MORN3: variants seen among roughly 807,000 people sequenced by gnomAD.
MORN3 encodes MORN repeat-containing protein 3.
In MORN3, 38 loss-of-function variants were observed where a neutral mutation model predicts 34.7. That is an observed-to-expected ratio of 1.10 (90% CI 0.85 to 1.44). The LOEUF (loss-of-function observed/expected upper bound fraction) is 1.44, where lower values mean the gene tolerates loss of function less well. Ranked by LOEUF, MORN3 falls within the 40% of genes most tolerant of loss-of-function variation. The probability of loss-of-function intolerance (pLI) is 0.00; values close to 1 mark genes in which losing one functional copy is unlikely to be tolerated. For synonymous variants in MORN3, 109 were observed against 115.3 expected, an observed-to-expected ratio of 0.95 and a Z score of 0.35; for missense variants, 311 against 321.7, an observed-to-expected ratio of 0.97 and a Z score of 0.25.
intron 2 of MORN3, 146 bp downstream of exon 2, chr12:121,659,045 C>G (rs1594227061): frequency 9.2e-7 from 1 of 1,083,904 alleles, no homozygotes; most frequent in Non-Finnish European, 1.2e-6. Flanking sequence ...CCTTCCTTCT[C>G]CCACGAGCAG....
At chr12:121,662,768 T>C (rs1229029806) in intron 1 of MORN3, among the ~76,000 whole-genome samples, 25 of 146,188 alleles carry the variant, frequency 1.7e-4, no homozygotes. Flanking sequence ...ACGCCGGGCA[T>C]GATGGCTCAC....
intron 1 of MORN3, among the ~76,000 whole-genome samples, chr12:121,666,703 T>A (rs369872656): frequency 1.7e-4 from 26 of 152,094 alleles, no homozygotes; most frequent in African/African-American, 6.0e-4. Flanking sequence ...ATAATTTGCT[T>A]TTATGGGGTG....
Position 121,659,303 on chromosome 12 carries a change from CCCTCATAGATGGCT to C in MORN3, c.177_190del (p.Ala60GlyfsTer17), listed in dbSNP as rs1893510819. ...GTCTCGCTTCCCAAACTTCCAGTCC[CCCTCATAGATGGCT>C]CCTTTCTTCTTCCAGACCTGTGTTC... On this transcript the variant is annotated frameshift_variant, in exon 2 of 6. Transcript: ENST00000355329. LOFTEE classifies it high-confidence loss of function. 1 of 1,614,032 alleles carries C rather than the reference CCCTCATAGATGGCT, an allele frequency of 6.2e-7. No homozygotes were observed. The highest frequency in any genetic ancestry group is 8.5e-7 in the Non-Finnish European group (1 of 1,180,018).
At chr12:121,670,606 C>T (rs940440525), upstream of MORN3, among the ~76,000 whole-genome samples, 1 of 150,782 alleles carries the variant, frequency 6.6e-6, no homozygotes, top group East Asian at 2.0e-4. Flanking sequence ...GTCAGGAGTT[C>T]GAGACCAGCC....
upstream of MORN3, among the ~76,000 whole-genome samples, chr12:121,671,436 C>T (rs1893966696): frequency 6.6e-6 from 1 of 150,790 alleles, no homozygotes; most frequent in Admixed American, 6.6e-5. Flanking sequence ...AGAATGGAGA[C>T]TTTACGTATC....
chr12:121,659,540 C>CTT (rs774070915), intron 1 of MORN3, among the ~76,000 whole-genome samples, 192 bp from the exon 2 acceptor site: 4 of 135,906 alleles, frequency 2.9e-5, no homozygotes, highest in African/African-American at 9.0e-5. Flanking sequence ...TTCTTTCTTT[C>CTT]TTTTTTTTTT....
At chr12:121,662,766 C>A (rs1893623779) in intron 1 of MORN3, among the ~76,000 whole-genome samples, 1 of 149,900 alleles carries the variant, frequency 6.7e-6, no homozygotes, top group African/African-American at 2.5e-5. Flanking sequence ...AAACGCCGGG[C>A]ATGATGGCTC....
intron 5 of MORN3, among the ~76,000 whole-genome samples, chr12:121,652,360 A>G (rs1188518103): frequency 6.6e-6 from 1 of 152,026 alleles, no homozygotes; most frequent in Admixed American, 6.6e-5. Flanking sequence ...CAGCCTCTCG[A>G]GTAGCTGGGA....
chr12:121,665,209 C>A (rs1291592840), intron 1 of MORN3, among the ~76,000 whole-genome samples: 1 of 146,850 alleles, frequency 6.8e-6, no homozygotes, highest in African/African-American at 2.5e-5. Context: ...CCTAGCCTAA[C>A]AGTACTGGAG....
intron 2 of MORN3, among the ~76,000 whole-genome samples, chr12:121,658,014 G>A (rs1893459326): frequency 6.6e-6 from 1 of 151,948 alleles, no homozygotes. Context: ...GACTCCCTAT[G>A]ATTTTATCTC....
chr12:121,671,045 AG>A (rs1893949921), upstream of MORN3, among the ~76,000 whole-genome samples: 1 of 141,816 alleles, frequency 7.1e-6, no homozygotes, highest in South Asian at 2.3e-4. Context: ...AGGGAGGAGA[AG>A]GCTGCAGTGA....
chr12:121,663,263 A>G (rs1287142785), intron 1 of MORN3, among the ~76,000 whole-genome samples: 1 of 151,448 alleles, frequency 6.6e-6, no homozygotes, highest in African/African-American at 2.4e-5. Context: ...CAACGGTGCA[A>G]TCTCGGCTCA....
chr12:121,667,573 C>T (rs1211973210), intron 1 of MORN3, among the ~76,000 whole-genome samples: 1 of 151,584 alleles, frequency 6.6e-6, no homozygotes, highest in Admixed American at 6.6e-5. Flanking sequence ...CTCTGACCTC[C>T]TCCTCTTCCT....
chr12:121,653,666 T>C (rs566983880), intron 3 of MORN3, among the ~76,000 whole-genome samples: 1 of 152,180 alleles, frequency 6.6e-6, no homozygotes, highest in East Asian at 1.9e-4. Flanking sequence ...TACCACCACA[T>C]GCAGCTACTT....
upstream of MORN3, among the ~76,000 whole-genome samples, chr12:121,671,985 T>G (rs61357438): frequency 0.012 from 1,901 of 152,238 alleles, 42 homozygotes; most frequent in African/African-American, 0.043. Context: ...GAACCCAGAC[T>G]CTAATAACTT....
Position 121,649,862 on chromosome 12 carries a change from C to CTTTTTT in MORN3, c.*1783_*1788dup, listed in dbSNP as rs566839152. Reference sequence around the variant, plus strand: ...TAGTTGGGATTACAGGTGCTGAATTCTTTTTTTTTTTTTTTTTTGTAGCAT... The same window carrying CTTTTTT: ...TAGTTGGGATTACAGGTGCTGAATTCTTTTTTTTTTTTTTTTTTTTTTTTGTAGCAT... On this transcript the variant is annotated 3_prime_UTR_variant, in exon 6 of 6. Transcript: ENST00000355329. The CTTTTTT allele has an allele frequency of 4.1e-5, 5 of 120,930 alleles. No homozygotes were observed. Among genetic ancestry groups the CTTTTTT allele is most frequent in the Admixed American group, 8.7e-5 (1 of 11,496 alleles). 7.5% of individuals were successfully genotyped at this position (120,930 alleles called of 1,614,324 possible). A position where few individuals can be genotyped will look rare whatever the true frequency, so the allele number is the denominator to read the frequency against.
At chr12:121,661,663 G>T (rs1430375706) in intron 1 of MORN3, among the ~76,000 whole-genome samples, 1 of 152,134 alleles carries the variant, frequency 6.6e-6, no homozygotes, top group Non-Finnish European at 1.5e-5. Flanking sequence ...ATCACTTGAG[G>T]TCAGGAGTTT....
At chr12:121,653,435 CAAA>C (rs201098047) in intron 3 of MORN3, among the ~76,000 whole-genome samples, 176 bp from the exon 4 acceptor site, 4,491 of 149,088 alleles carry the variant, frequency 0.03, 179 homozygotes, top group East Asian at 0.11. Context: ...CACATCTCTG[CAAA>C]AAAAAAAATT....
rs1488637763 is a variant in MORN3, at chr12:121,648,875, C to T, written c.*2776G>A. On this transcript the variant is annotated 3_prime_UTR_variant, in exon 6 of 6. Transcript: ENST00000355329. ...TCTCCCCAGAGACAACCATCTTTGC[C>T]AGTTTATTGTGTTTAAATCTAGCGA... 1.3e-5 allele frequency: 2 copies of T among 152,168 alleles called. No individual in the cohort carries two copies. The highest frequency in any genetic ancestry group is 2.9e-5 in the Non-Finnish European group (2 of 68,032). The allele number at this position is 152,168 out of a possible 1,614,324, so 9.4% of individuals were successfully genotyped here. A position where few individuals can be genotyped will look rare whatever the true frequency, so the allele number is the denominator to read the frequency against.
Sources: allele counts gnomAD v4.1 joint callset (sites outside exome capture counted in the v4.1 genomes callset), GRCh38; gene constraint gnomAD v4.1.1; transcripts MANE v1.5; gene names NCBI Gene and HGNC (gene_info 2026-07-23, HGNC 2026-07-21).